Variants in LIPK observed in about 807,000 individuals in gnomAD.
LIPK encodes lipase member K.
In LIPK, 32 loss-of-function variants were observed where a neutral mutation model predicts 48.6. The observed-to-expected ratio is 0.66, with a 90% CI of 0.50 to 0.88. LIPK has a LOEUF of 0.88. Ranked by LOEUF, LIPK falls within the 40% of genes least tolerant of loss-of-function variation. The pLI, the probability that LIPK is intolerant of heterozygous loss-of-function variation, is 0.00. For missense variants in LIPK, 507 were observed against 478.5 expected, an observed-to-expected ratio of 1.06 and a Z score of -0.56; for synonymous variants, 164 against 157.4, an observed-to-expected ratio of 1.04 and a Z score of -0.32.
chr10:88,744,413 GTA>G (rs1199092559), intron 9 of LIPK, among the ~76,000 whole-genome samples: 1 of 152,202 alleles, frequency 6.6e-6, no homozygotes, highest in Non-Finnish European at 1.5e-5. Flanking sequence ...GTTGTTGCCA[GTA>G]TATGAGGAAC....
At chr10:88,739,949 G>T (rs1842647303) in intron 7 of LIPK, 47 bp from the exon 8 acceptor site, 2 of 1,147,076 alleles carry the variant, frequency 1.7e-6, no homozygotes, top group South Asian at 2.8e-5. Context: ...TTTACTTGTG[G>T]TATGATGATA....
At chr10:88,732,683 C>G (rs1842492636) in intron 6 of LIPK, 132 bp downstream of exon 6, 1 of 920,246 alleles carries the variant, frequency 1.1e-6, no homozygotes, top group East Asian at 2.4e-5. Context: ...CATGTAAGTT[C>G]ACTGATGATG....
At chr10:88,711,450 T>G (rs147867162) in intron 1 of LIPK, among the ~76,000 whole-genome samples, 332 of 152,214 alleles carry the variant, frequency 2.2e-3, no homozygotes, top group African/African-American at 7.6e-3. Flanking sequence ...GCCCTCAAGT[T>G]GTACATTAGC....
intron 6 of LIPK, among the ~76,000 whole-genome samples, chr10:88,734,205 A>C (rs1163631103): frequency 1.3e-5 from 2 of 152,228 alleles, no homozygotes; most frequent in African/African-American, 4.8e-5. Context: ...AAACTCAGAG[A>C]AAAGAAAAAT....
In LIPK at chr10:88,724,610, A is replaced by G; in HGVS notation, c.67A>G (p.Lys23Glu). Reference protein sequence around the residue: ...LLGSMYGYDKKGNNANPEANM... With the variant: ...LLGSMYGYDKEGNNANPEANM... The stretch of plus-strand genomic sequence containing the variant: ...TGGATCTATGTATGGTTATGACAAG[A>G]AAGGAAACAATGCAAACCCTGAAGC... The change falls in exon 2 of 10, where the codon AAA becomes GAA. Residue 23 changes from lysine to glutamate, a missense_variant. By Grantham distance (56) the Lys-to-Glu change is moderately conservative. Transcript: ENST00000404190. 6.2e-7 allele frequency: 1 copy of G among 1,606,484 alleles called. No individual in the cohort carries two copies. Among genetic ancestry groups the G allele is most frequent in the Non-Finnish European group, 8.5e-7 (1 of 1,177,606 alleles).
chr10:88,727,950 C>T, intron 3 of LIPK: 1 of 361,540 alleles, frequency 2.8e-6, no homozygotes, highest in Non-Finnish European at 5.5e-6. Context: ...TGGAGAGCTG[C>T]ATCAACAACT....
intron 8 of LIPK, among the ~76,000 whole-genome samples, chr10:88,740,851 T>C (rs1842668168): frequency 6.6e-6 from 1 of 152,076 alleles, no homozygotes; most frequent in African/African-American, 2.4e-5. Context: ...TATATCCTAC[T>C]AAATTTGCTC....
At chr10:88,739,477 A>T (rs912577258) in intron 7 of LIPK, among the ~76,000 whole-genome samples, 1 of 146,428 alleles carries the variant, frequency 6.8e-6, no homozygotes, top group African/African-American at 2.5e-5. Context: ...GACAGGACAG[A>T]GCTGGTGGAG....
intron 3 of LIPK, chr10:88,728,489 G>C (rs1200195276): frequency 8.4e-6 from 2 of 238,146 alleles, no homozygotes; most frequent in Non-Finnish European, 1.7e-5. Flanking sequence ...GCAGAGCAGC[G>C]TGGGGAGTCC....
Position 88,752,702 on chromosome 10 carries a change from T to A in LIPK, c.1146T>A (p.Pro382=). 6.4e-7 allele frequency: 1 copy of A among 1,572,034 alleles called. No homozygotes were observed. Among genetic ancestry groups the A allele is most frequent in the Non-Finnish European group, 8.7e-7 (1 of 1,155,608 alleles). The change falls in exon 10 of 10, where the codon CCT becomes CCA. Residue 382 remains proline, a synonymous_variant. Coordinates refer to ENST00000404190, the MANE Select transcript of LIPK (RefSeq NM_001080518.2). ...ATTTTTACCTTGGAGAGGATGCACC[T>A]CAGGAAATTTACCAAGACCTAATTA... The part of the protein sequence containing the change: ...HVDFYLGEDA[P]QEIYQDLIIL...
At chr10:88,712,945 T>G (rs1486192232) in intron 1 of LIPK, among the ~76,000 whole-genome samples, 2 of 152,210 alleles carry the variant, frequency 1.3e-5, no homozygotes, top group Non-Finnish European at 2.9e-5. Context: ...CAACTTCTTT[T>G]GAATAAGATT....
At chr10:88,731,207 A>G (rs1309537601) in intron 4 of LIPK, 26 bp downstream of exon 4, 2 of 1,472,752 alleles carry the variant, frequency 1.4e-6, no homozygotes, top group South Asian at 1.5e-5. Context: ...TTAATGAATA[A>G]AATGTGTACT....
intron 1 of LIPK, among the ~76,000 whole-genome samples, chr10:88,721,128 A>G (rs1842217047): frequency 3.8e-5 from 1 of 26,548 alleles, no homozygotes; most frequent in Admixed American, 4.4e-4. Context: ...ATATCCTTAT[A>G]TGCATTAGCA....
chr10:88,749,281 TGAAACCCAAAA>T (rs1842824003), intron 9 of LIPK, among the ~76,000 whole-genome samples: 1 of 152,178 alleles, frequency 6.6e-6, no homozygotes, highest in Non-Finnish European at 1.5e-5. Flanking sequence ...AAAATTCATA[TGAAACCCAAAA>T]GAAGCCTGAA....
In LIPK at chr10:88,719,792, C is replaced by G. The variant is rs542251488; in HGVS notation, c.-11-4741C>G. On this transcript the variant is annotated intron_variant, in intron 1 of 9. Transcript: ENST00000404190. ...GTTATTAAGTGTTTGCTTGATGAGC[C>G]TGATAGTTCCTATTATTGGGCAATG... Among the ~76,000 whole-genome samples, 233 of 152,166 alleles carry G rather than the reference C, an allele frequency of 1.5e-3. 1 individual carries two copies. Among genetic ancestry groups the G allele is most frequent in the Non-Finnish European group, 2.9e-3 (195 of 68,002 alleles).
intron 2 of LIPK, among the ~76,000 whole-genome samples, chr10:88,726,089 C>G (rs955649480): frequency 2.7e-5 from 4 of 149,590 alleles, no homozygotes; most frequent in African/African-American, 9.9e-5. Flanking sequence ...TTCCTCCCCT[C>G]TTCTTTCAAG....
chr10:88,723,884 A>G (rs893970216), intron 1 of LIPK, among the ~76,000 whole-genome samples: 1 of 152,100 alleles, frequency 6.6e-6, no homozygotes, highest in Non-Finnish European at 1.5e-5. Context: ...CATATCACAC[A>G]TAAGCATAAT....
chr10:88,719,160 C>T (rs192783581), intron 1 of LIPK, among the ~76,000 whole-genome samples: 1 of 152,272 alleles, frequency 6.6e-6, no homozygotes, highest in African/African-American at 2.4e-5. Context: ...CTACCATTTA[C>T]TGAGAGTCAA....
Position 88,730,986 on chromosome 10 carries a change from C to G in LIPK, c.227C>G (p.Pro76Arg). 1 of 1,573,184 alleles carries G rather than the reference C, an allele frequency of 6.4e-7. No homozygotes were observed. Among genetic ancestry groups the G allele is most frequent in the South Asian group, 1.2e-5 (1 of 83,940 alleles). Residue 76 changes from proline to arginine, a missense_variant, in exon 4 of 10, where the codon CCA becomes CGA. Pro to Arg is a moderately radical substitution (Grantham distance 103, BLOSUM62 -2). Transcript: ENST00000404190. ...TCTTGTTGCCTGTGTTTTGCAGCTC[C>G]AAAGCCTGCTGTGTATTTGCAGCAT... Reference protein sequence around the residue: ...HGRGCPGRTAPKPAVYLQHGL... With the variant: ...HGRGCPGRTARKPAVYLQHGL...
Sources: gnomAD v4.1 joint callset for allele counts (sites outside exome capture counted in the v4.1 genomes callset) on GRCh38, gnomAD v4.1.1 for gene constraint, MANE v1.5 for transcripts, NCBI Gene and HGNC (gene_info 2026-07-23, HGNC 2026-07-21) for gene names.